Variants in ENTREP2 observed in about 807,000 individuals in gnomAD.
ENTREP2 encodes protein ENTREP2.
the ENTREP2 span, among the ~76,000 whole-genome samples, chr15:29,305,328 G>A: frequency 6.6e-6 from 1 of 152,218 alleles, no homozygotes; most frequent in East Asian, 1.9e-4. Context: ...AGACAAATGA[G>A]AATTTTGAAC....
chr15:29,123,224 CA>C, the ENTREP2 span: 1 of 1,146,306 alleles, frequency 8.7e-7, no homozygotes, highest in Non-Finnish European at 1.2e-6. Flanking sequence ...GTGTCCCCCC[CA>C]CATTTATCCT....
At chr15:29,530,111 C>CG in the ENTREP2 span, among the ~76,000 whole-genome samples, 1 of 152,094 alleles carries the variant, frequency 6.6e-6, no homozygotes, top group Non-Finnish European at 1.5e-5. Flanking sequence ...CTCCCATGCT[C>CG]GGATGTACGG....
the ENTREP2 span, among the ~76,000 whole-genome samples, chr15:29,216,612 G>T: frequency 6.6e-6 from 1 of 152,036 alleles, no homozygotes; most frequent in East Asian, 1.9e-4. Context: ...TCATTCTTAG[G>T]GTTGGTCATT....
the ENTREP2 span, among the ~76,000 whole-genome samples, chr15:29,313,095 A>G: frequency 6.6e-6 from 1 of 152,228 alleles, no homozygotes; most frequent in African/African-American, 2.4e-5. Flanking sequence ...TCTGATCCAC[A>G]GCAAGGCCCG....
the ENTREP2 span, among the ~76,000 whole-genome samples, chr15:29,437,142 A>C: frequency 6.6e-6 from 1 of 152,348 alleles, no homozygotes; most frequent in South Asian, 2.1e-4. Context: ...ATCTCCCACT[A>C]GTGCAAAAGG....
chr15:29,247,222 T>A, the ENTREP2 span, among the ~76,000 whole-genome samples: 1 of 152,174 alleles, frequency 6.6e-6, no homozygotes, highest in Non-Finnish European at 1.5e-5. Context: ...AGAATTTGGA[T>A]AAATCAAAGC....
the ENTREP2 span, among the ~76,000 whole-genome samples, chr15:29,356,548 G>A: frequency 2.6e-5 from 4 of 151,348 alleles, no homozygotes; most frequent in South Asian, 6.3e-4. Context: ...CTCGTGATCC[G>A]CCCGCCTCGG....
chr15:29,438,633 C>A, the ENTREP2 span, among the ~76,000 whole-genome samples: 1 of 152,112 alleles, frequency 6.6e-6, no homozygotes, highest in African/African-American at 2.4e-5. Context: ...CCCCAGCTAT[C>A]CTGTGGTTTG....
the ENTREP2 span, among the ~76,000 whole-genome samples, chr15:29,603,670 G>A: frequency 1.3e-5 from 2 of 151,936 alleles, no homozygotes; most frequent in African/African-American, 4.8e-5. Flanking sequence ...ACAGAGCCTC[G>A]CTCTGTCATC....
At chr15:29,151,688 C>T in the ENTREP2 span, 2 of 1,450,496 alleles carry the variant, frequency 1.4e-6, no homozygotes, top group Non-Finnish European at 1.9e-6. Flanking sequence ...TCCACTCCTA[C>T]ACTGGTTTCA....
the ENTREP2 span, among the ~76,000 whole-genome samples, chr15:29,271,005 GTTAA>G: frequency 2.0e-5 from 3 of 152,168 alleles, no homozygotes; most frequent in African/African-American, 4.8e-5. Context: ...TTAAAATTTT[GTTAA>G]TTGTTAGTAG....
At chr15:29,150,338 T>G in the ENTREP2 span, among the ~76,000 whole-genome samples, 1 of 152,262 alleles carries the variant, frequency 6.6e-6, no homozygotes. Flanking sequence ...TATGCTCTTA[T>G]AAAGAGAATT....
chr15:29,628,297 T>G, the ENTREP2 span, among the ~76,000 whole-genome samples: 2 of 152,238 alleles, frequency 1.3e-5, no homozygotes, highest in Non-Finnish European at 2.9e-5. Flanking sequence ...ATTCATGTCC[T>G]TTGCCCATTT....
the ENTREP2 span, among the ~76,000 whole-genome samples, chr15:29,159,209 C>T: frequency 1.3e-5 from 2 of 151,866 alleles, no homozygotes; most frequent in South Asian, 2.1e-4. Flanking sequence ...GTCTCGCTGG[C>T]CTAGGAGTGA....
chr15:29,369,791 T>C, the ENTREP2 span, among the ~76,000 whole-genome samples: 1 of 152,236 alleles, frequency 6.6e-6, no homozygotes, highest in Admixed American at 6.5e-5. Flanking sequence ...GTGGTGTCTT[T>C]AAGAAATGAT....
chr15:29,234,405 TA>T, the ENTREP2 span: 1 of 1,540,260 alleles, frequency 6.5e-7, no homozygotes, highest in Non-Finnish European at 9.0e-7. Flanking sequence ...TGGGAAGCAA[TA>T]AAATGGGCAA....
At chr15:29,524,649 C>A in the ENTREP2 span, among the ~76,000 whole-genome samples, 1 of 152,220 alleles carries the variant, frequency 6.6e-6, no homozygotes, top group African/African-American at 2.4e-5. Context: ...CAATGGCGAG[C>A]CTTTAGCCCA....
the ENTREP2 span, among the ~76,000 whole-genome samples, chr15:29,130,456 C>T: frequency 1.3e-5 from 2 of 152,164 alleles, no homozygotes; most frequent in South Asian, 2.1e-4. Context: ...TCTCCCCTCC[C>T]GTATCTAACC....
chr15:29,615,009 C>T, the ENTREP2 span, among the ~76,000 whole-genome samples: 3 of 152,096 alleles, frequency 2.0e-5, no homozygotes, highest in Non-Finnish European at 4.4e-5. Flanking sequence ...AGCCATAATT[C>T]CCAGGTATTT....
Sources: allele counts gnomAD v4.1 joint callset (sites outside exome capture counted in the v4.1 genomes callset), GRCh38; gene constraint gnomAD v4.1.1; transcripts MANE v1.5; gene names NCBI Gene and HGNC (gene_info 2026-07-23, HGNC 2026-07-21).